PREX2: variants seen among roughly 807,000 people sequenced by gnomAD.
PREX2 encodes phosphatidylinositol 3,4,5-trisphosphate-dependent Rac exchanger 2 protein.
In PREX2, 107 loss-of-function variants were observed where a neutral mutation model predicts 203.2. The observed-to-expected ratio is 0.53, with a 90% CI of 0.45 to 0.62. The LOEUF is 0.62. Among genes scored for constraint, PREX2 ranks in the 20% least tolerant of loss-of-function variants. The pLI is 0.00. For synonymous variants in PREX2, 672 were observed against 663.6 expected, an observed-to-expected ratio of 1.01 and a Z score of -0.19; for missense variants, 1,777 against 1,955.9, an observed-to-expected ratio of 0.91 and a Z score of 1.72.
At chr8:68,000,081 C>G (rs183984552) in intron 1 of PREX2, among the ~76,000 whole-genome samples, 7 of 152,280 alleles carry the variant, frequency 4.6e-5, no homozygotes, top group Non-Finnish European at 7.3e-5. Context: ...TCTCTCACCA[C>G]TCCTACTCAA....
At chr8:67,993,743 A>C (rs1345198754) in intron 1 of PREX2, among the ~76,000 whole-genome samples, 2 of 152,166 alleles carry the variant, frequency 1.3e-5, no homozygotes, top group Non-Finnish European at 2.9e-5. Context: ...CTATTTATTG[A>C]GTATTTTATC....
intron 29 of PREX2, 35 bp downstream of exon 29, chr8:68,120,321 G>A: frequency 6.9e-7 from 1 of 1,441,866 alleles, no homozygotes; most frequent in South Asian, 1.1e-5. Context: ...AGAAGCAATT[G>A]AGAAAAACAA....
chr8:68,181,746 A>C (rs888260860), intron 35 of PREX2, among the ~76,000 whole-genome samples: 15 of 152,026 alleles, frequency 9.9e-5, no homozygotes, highest in Admixed American at 2.6e-4. Context: ...AATTGTTTGG[A>C]GCTATTATTC....
In PREX2 at chr8:68,217,641, C is replaced by T. The variant is rs1414004882; in HGVS notation, c.4630C>T (p.Gln1544Ter). 1.2e-6 allele frequency: 2 copies of T among 1,614,010 alleles called. No homozygotes were observed. The highest frequency in any genetic ancestry group is 1.7e-6 in the Non-Finnish European group (2 of 1,180,008). ...HRCTLSVTLE[Q>*]AIILARSHGL... ...GTGCACCCTGAGCGTGACGCTGGAG[C>T]AAGCCATCATTCTGGCCAGAAGCCA... Residue 1544 changes from glutamine to a stop codon, truncating the protein, a stop_gained, in exon 38 of 40, where the codon CAA becomes TAA. Coordinates refer to ENST00000288368, the MANE Select transcript of PREX2 (RefSeq NM_024870.4). LOFTEE classifies it high-confidence loss of function.
intron 1 of PREX2, among the ~76,000 whole-genome samples, chr8:67,973,085 G>A (rs945791585): frequency 6.6e-6 from 1 of 151,968 alleles, no homozygotes; most frequent in Non-Finnish European, 1.5e-5. Context: ...GTTGATTTCT[G>A]TTTCTAAGTG....
At chr8:68,229,583 C>T (rs1315512303) in intron 39 of PREX2, among the ~76,000 whole-genome samples, 1 of 152,206 alleles carries the variant, frequency 6.6e-6, no homozygotes, top group African/African-American at 2.4e-5. Context: ...GCTACTATTT[C>T]ATTAGGTGAT....
chr8:68,163,085 G>A (rs1395250704), intron 35 of PREX2, among the ~76,000 whole-genome samples: 1 of 152,202 alleles, frequency 6.6e-6, no homozygotes, highest in South Asian at 2.1e-4. Context: ...ATTTGGTCTA[G>A]TTATTTAATT....
intron 34 of PREX2, among the ~76,000 whole-genome samples, chr8:68,150,094 G>A (rs928929182): frequency 1.8e-4 from 27 of 152,132 alleles, no homozygotes; most frequent in Non-Finnish European, 1.6e-4. Context: ...TGTCTGCTGC[G>A]GCTATCACAG....
chr8:67,965,308 A>G (rs1185605902), intron 1 of PREX2, among the ~76,000 whole-genome samples: 5 of 152,160 alleles, frequency 3.3e-5, no homozygotes, highest in African/African-American at 9.7e-5. Context: ...TTTCAGCTTA[A>G]TTTAAGTCCT....
chr8:68,121,841 G>A (rs1810780619), intron 30 of PREX2, among the ~76,000 whole-genome samples: 1 of 152,146 alleles, frequency 6.6e-6, no homozygotes, highest in Non-Finnish European at 1.5e-5. Flanking sequence ...ATTCTAGAAT[G>A]TATGAGACAG....
At chr8:68,189,792 T>G (rs571282650) in intron 35 of PREX2, among the ~76,000 whole-genome samples, 1 of 152,258 alleles carries the variant, frequency 6.6e-6, no homozygotes, top group Non-Finnish European at 1.5e-5. Flanking sequence ...TGGAAATCTC[T>G]TAGGAATGCA....
At chr8:68,017,476 C>T (rs189634450) in intron 1 of PREX2, among the ~76,000 whole-genome samples, 1 of 152,346 alleles carries the variant, frequency 6.6e-6, no homozygotes, top group Admixed American at 6.5e-5. Context: ...TTCAGAATCT[C>T]TGGCCCTTTT....
intron 37 of PREX2, among the ~76,000 whole-genome samples, chr8:68,206,732 T>C (rs1484832776): frequency 1.3e-5 from 2 of 152,234 alleles, no homozygotes; most frequent in Admixed American, 6.5e-5. Context: ...CATTTATTTG[T>C]TGAGCAAGAA....
intron 37 of PREX2, among the ~76,000 whole-genome samples, chr8:68,200,518 G>T (rs549243111): frequency 2.8e-4 from 42 of 151,674 alleles, no homozygotes; most frequent in African/African-American, 9.7e-4. Flanking sequence ...AATATGAAAA[G>T]GTTTCATTGT....
At chr8:68,205,382 G>C (rs942256925) in intron 37 of PREX2, among the ~76,000 whole-genome samples, 2 of 152,118 alleles carry the variant, frequency 1.3e-5, no homozygotes, top group African/African-American at 4.8e-5. Context: ...TTAAGTGTTT[G>C]GGTTTTTCAC....
intron 37 of PREX2, among the ~76,000 whole-genome samples, chr8:68,213,397 G>A (rs1812777629): frequency 6.6e-6 from 1 of 152,134 alleles, no homozygotes; most frequent in Non-Finnish European, 1.5e-5. Flanking sequence ...ACAAGTAAGG[G>A]GCCTTGAAAC....
chr8:68,193,758 G>T (rs1482082884), intron 37 of PREX2, among the ~76,000 whole-genome samples: 1 of 152,172 alleles, frequency 6.6e-6, no homozygotes, highest in Admixed American at 6.5e-5. Flanking sequence ...CATGGAGGAA[G>T]TTATGTTTGA....
intron 33 of PREX2, among the ~76,000 whole-genome samples, chr8:68,142,660 G>A (rs1811251249): frequency 1.3e-5 from 2 of 152,094 alleles, no homozygotes; most frequent in South Asian, 4.1e-4. Context: ...CATGATTCCT[G>A]GATCGTATGT....
chr8:68,025,722 C>T (rs562977922), intron 4 of PREX2, among the ~76,000 whole-genome samples: 1 of 152,192 alleles, frequency 6.6e-6, no homozygotes, highest in East Asian at 1.9e-4. Context: ...ACCTCAGCCT[C>T]CCAAAGTGCT....
Sources: gnomAD v4.1 joint callset for allele counts (sites outside exome capture counted in the v4.1 genomes callset) on GRCh38, gnomAD v4.1.1 for gene constraint, MANE v1.5 for transcripts, NCBI Gene and HGNC (gene_info 2026-07-23, HGNC 2026-07-21) for gene names.